Variants in FANCB observed in about 807,000 individuals in gnomAD.
FANCB encodes Fanconi anemia group B protein.
In FANCB, 5 loss-of-function variants were observed where a neutral mutation model predicts 38.9. The observed-to-expected ratio is 0.13, with a 90% CI of 0.07 to 0.27. FANCB has a LOEUF of 0.27. FANCB is among the 10% of genes least tolerant of loss of function. FANCB has a pLI of 1.00. For missense variants in FANCB, 573 were observed against 602.7 expected (o/e 0.95, Z 0.52); for synonymous variants, 236 against 215.4 (o/e 1.10, Z -0.84).
chrX:14,763,922 A>G, the FANCB span, among the ~76,000 whole-genome samples: 1 of 111,706 alleles, frequency 9.0e-6, no homozygotes, highest in African/African-American at 3.3e-5. Context: ...GTGAAAGTGC[A>G]CAACTTTTAA....
At chrX:14,742,157 G>C in the FANCB span, among the ~76,000 whole-genome samples, 2 of 111,825 alleles carry the variant, frequency 1.8e-5, no homozygotes, top group Non-Finnish European at 3.8e-5. Flanking sequence ...TACCCAGAGA[G>C]TTAAAGTGAC....
chrX:14,789,098 G>A, the FANCB span, among the ~76,000 whole-genome samples: 1 of 111,614 alleles, frequency 9.0e-6, no homozygotes, highest in Non-Finnish European at 1.9e-5. Context: ...TATAAGCTCA[G>A]TACTTTTTCT....
At chrX:14,868,519 T>A (rs2092480397) in intron 2 of FANCB, among the ~76,000 whole-genome samples, 1 of 111,006 alleles carries the variant, frequency 9.0e-6, no homozygotes. Context: ...GAATCTAAAA[T>A]TTTTTTTAAA....
the FANCB span, among the ~76,000 whole-genome samples, chrX:14,711,928 A>G: frequency 8.9e-6 from 1 of 112,667 alleles, no homozygotes; most frequent in Non-Finnish European, 1.9e-5. Context: ...TATTTAAGCT[A>G]CTATGAGTGA....
the FANCB span, among the ~76,000 whole-genome samples, chrX:14,718,468 C>T: frequency 8.9e-6 from 1 of 112,095 alleles, no homozygotes; most frequent in Non-Finnish European, 1.9e-5. Flanking sequence ...CTGAATAAAC[C>T]ACTTCAAACT....
At chrX:14,724,626 C>CAAAAAAAA in the FANCB span, among the ~76,000 whole-genome samples, 7 of 49,579 alleles carry the variant, frequency 1.4e-4, no homozygotes, top group African/African-American at 3.5e-4. Flanking sequence ...AACTCTGTCT[C>CAAAAAAAA]AAAAAAAAAA....
the FANCB span, among the ~76,000 whole-genome samples, chrX:14,775,160 G>GTTTTTTTTTTTTTTTTTTTT: frequency 1.4e-4 from 5 of 35,001 alleles, no homozygotes; most frequent in Admixed American, 7.0e-4. Context: ...TTTCTCTAAT[G>GTTTTTTTTTTTTTTTTTTTT]TTTTTTTTTT....
the FANCB span, among the ~76,000 whole-genome samples, chrX:14,822,630 T>C: frequency 9.0e-6 from 1 of 110,516 alleles, no homozygotes; most frequent in Non-Finnish European, 1.9e-5. Context: ...CCCACAAGAT[T>C]GAGCTCTTTC....
In FANCB at chrX:14,845,177, G is replaced by A. The variant is rs773313492; in HGVS notation, c.1606C>T (p.Pro536Ser). ...RVIKLSTNPF[P>S]APYLMPCEIG... ...TCACATGGCATCAAGTATGGTGCTG[G>A]GAAAGGATTTGTACTCAACTTAATC... Residue 536 changes from proline (P) to serine (S), a missense_variant, in exon 8 of 10, where the codon CCA (proline) becomes TCA (serine). Physicochemically the swap from Pro to Ser is moderately conservative, Grantham distance 74. Coordinates refer to ENST00000650831, the MANE Select transcript of FANCB (RefSeq NM_001018113.3). The A allele has an allele frequency of 1.7e-6, 2 of 1,210,160 alleles. No homozygotes were observed. The highest frequency in any genetic ancestry group is 5.9e-5 in the East Asian group (2 of 33,810).
At chrX:14,759,018 T>TA in the FANCB span, among the ~76,000 whole-genome samples, 1 of 110,308 alleles carries the variant, frequency 9.1e-6, no homozygotes, top group Non-Finnish European at 1.9e-5. Context: ...ATAGCATAAA[T>TA]AAAAAACAAT....
the FANCB span, chrX:14,690,813 A>C: frequency 8.3e-7 from 1 of 1,207,083 alleles, no homozygotes; most frequent in Non-Finnish European, 1.1e-6. Context: ...TCCAGGCAAC[A>C]CAAGGAGTTC....
the FANCB span, among the ~76,000 whole-genome samples, chrX:14,708,765 C>T: frequency 9.0e-6 from 1 of 111,362 alleles, no homozygotes; most frequent in Non-Finnish European, 1.9e-5. Flanking sequence ...GGAGAAACCC[C>T]GTCTCTACTA....
At chrX:14,833,659 T>C (rs1328155376), downstream of FANCB, among the ~76,000 whole-genome samples, 1 of 57,733 alleles carries the variant, frequency 1.7e-5, no homozygotes, top group African/African-American at 7.8e-5. Context: ...TAGAATCACC[T>C]GGGGAGGCTG....
the FANCB span, among the ~76,000 whole-genome samples, chrX:14,698,031 C>T: frequency 9.9e-5 from 11 of 111,585 alleles, no homozygotes; most frequent in South Asian, 4.2e-3. Context: ...AATGAAGATA[C>T]TGTTCTTATC....
the FANCB span, among the ~76,000 whole-genome samples, chrX:14,748,138 C>T: frequency 8.9e-6 from 1 of 112,034 alleles, no homozygotes; most frequent in Non-Finnish European, 1.9e-5. Context: ...AAGACTCTGA[C>T]ATCTGTCTTG....
At chrX:14,718,252 C>T in the FANCB span, among the ~76,000 whole-genome samples, 21 of 111,703 alleles carry the variant, frequency 1.9e-4, no homozygotes, top group South Asian at 6.7e-3. Context: ...GAGCAGTTTT[C>T]ACCAACACTG....
At chrX:14,703,219 C>T in the FANCB span, among the ~76,000 whole-genome samples, 2 of 111,447 alleles carry the variant, frequency 1.8e-5, no homozygotes, top group East Asian at 5.6e-4. Flanking sequence ...AATAAACAAC[C>T]AAGGGGACAA....
At chrX:14,707,148 C>T in the FANCB span, among the ~76,000 whole-genome samples, 2 of 111,729 alleles carry the variant, frequency 1.8e-5, no homozygotes, top group Non-Finnish European at 3.8e-5. Context: ...AATTCCCGTC[C>T]TCTTAATAAC....
rs755858770 is a variant in FANCB at position 14,865,046 on chromosome X, A to G, written c.465T>C (p.Ser155=). 1 of 1,210,757 alleles carries G rather than the reference A, an allele frequency of 8.3e-7. No individual in the cohort carries two copies. The highest frequency in any genetic ancestry group is 3.0e-5 in the East Asian group (1 of 33,819). The change falls in exon 3 of 10, where the codon TCT becomes TCC. Residue 155 remains serine, a synonymous_variant. Transcript: ENST00000650831. The stretch of plus-strand genomic sequence containing the variant: ...ACACACTAACAACTTTGCCAGTTTG[A>G]GAAGAGATAAAGAAGAATGCTTTGA... ...RHVKAFFFIS[S]QTGKVVSVSG...
Sources: gnomAD v4.1 joint callset for allele counts (sites outside exome capture counted in the v4.1 genomes callset) on GRCh38, gnomAD v4.1.1 for gene constraint, MANE v1.5 for transcripts, NCBI Gene and HGNC (gene_info 2026-07-23, HGNC 2026-07-21) for gene names.